The following PSG3 variants were observed in gnomAD, a reference collection of about 807,000 sequenced individuals.
The protein encoded by PSG3 is pregnancy specific beta-1-glycoprotein 3.
Under a neutral mutation model 47.5 loss-of-function variants are expected in PSG3, and 61 were observed. The ratio of observed to expected loss-of-function variants is 1.28; its 90% CI spans 1.05 to 1.59. The LOEUF (loss-of-function observed/expected upper bound fraction) is 1.59. Ranked by LOEUF, PSG3 falls within the 40% of genes most tolerant of loss-of-function variation. The pLI is 0.00. For missense variants in PSG3, 756 were observed against 524.0 expected (o/e 1.44, Z -4.32); for synonymous variants, 263 against 198.4 (o/e 1.33, Z -2.74).
chr19:42,734,863 G>A (rs940605773), intron 2 of PSG3, among the ~76,000 whole-genome samples: 1 of 152,160 alleles, frequency 6.6e-6, no homozygotes, highest in African/African-American at 2.4e-5. Context: ...AGGAAAAATG[G>A]GGAGGACCCC....
At chr19:42,724,306 C>T (rs8110455) in intron 5 of PSG3, among the ~76,000 whole-genome samples, 1,668 of 152,280 alleles carry the variant, frequency 0.011, 32 homozygotes, top group African/African-American at 0.039. Context: ...TTTTCTATGT[C>T]ATTAGAACTT....
At chr19:42,739,998 G>A (rs1021053435) in intron 1 of PSG3, among the ~76,000 whole-genome samples, 1 of 151,396 alleles carries the variant, frequency 6.6e-6, no homozygotes, top group Non-Finnish European at 1.5e-5. Flanking sequence ...TGTCGCCCAG[G>A]CTGGCGTGCA....
chr19:42,729,094 T>C (rs1412471201), intron 5 of PSG3, 29 bp downstream of exon 5: 2 of 1,613,878 alleles, frequency 1.2e-6, no homozygotes, highest in African/African-American at 1.3e-5. Flanking sequence ...CCTAAAACTC[T>C]ATTGCCAAGC....
At chr19:42,727,415 A>G (rs950232693) in intron 5 of PSG3, among the ~76,000 whole-genome samples, 3 of 152,216 alleles carry the variant, frequency 2.0e-5, no homozygotes, top group African/African-American at 4.8e-5. Flanking sequence ...AACAACAGCA[A>G]ACATCCAAAA....
intron 2 of PSG3, among the ~76,000 whole-genome samples, chr19:42,737,981 T>C (rs907776633): frequency 4.0e-4 from 61 of 152,384 alleles, no homozygotes; most frequent in African/African-American, 1.2e-3. Context: ...AGCACCTTTA[T>C]GTCAGATGCC....
Position 42,729,365 on chromosome 19 carries a change from A to C in PSG3, c.1001T>G (p.Leu334Arg). 6.2e-7 allele frequency: 1 copy of C among 1,613,142 alleles called. No individual in the cohort carries two copies. Residue 334 changes from leucine (L) to arginine (R), a missense_variant, in exon 5 of 7, where the codon CTC (leucine) becomes CGC (arginine). Coordinates refer to ENST00000327495, the MANE Select transcript of PSG3 (RefSeq NM_021016.4). ...GGTGAATGAAGGGTAAATTCTGGGGAGGTCTGGACCATCTGGAGCAAAGAG... is the reference window on the plus strand; with the variant it reads ...GGTGAATGAAGGGTAAATTCTGGGGCGGTCTGGACCATCTGGAGCAAAGAG... ...VTLNVLYGPD[L>R]PRIYPSFTYY...
chr19:42,725,597 A>G (rs1015493258), intron 5 of PSG3, among the ~76,000 whole-genome samples: 25 of 152,248 alleles, frequency 1.6e-4, no homozygotes, highest in African/African-American at 4.8e-4. Context: ...ATGGTGGGTC[A>G]TGTTTTAATC....
chr19:42,731,071 A>T (rs1368856315), intron 3 of PSG3, among the ~76,000 whole-genome samples: 1 of 152,312 alleles, frequency 6.6e-6, no homozygotes, highest in East Asian at 1.9e-4. Flanking sequence ...CAGAGTGAAT[A>T]TGAGAAGAGA....
Position 42,739,078 on chromosome 19 carries a change from T to A in PSG3, c.76A>T (p.Asn26Tyr). ...GCAGTGGTAGGCAAGTTCCAGAAGT[T>A]TAAAAGTAATGCTAGGAGGTGGAGA... ...KGLLLTALLLNFWNLPTTAQV... is the reference protein window; with the variant it reads ...KGLLLTALLLYFWNLPTTAQV... The change falls in exon 2 of 7, where the codon AAC becomes TAC. Residue 26 changes from asparagine to tyrosine, a missense_variant. Transcript: ENST00000327495. 1 of 1,603,214 alleles carries A rather than the reference T, an allele frequency of 6.2e-7. No individual in the cohort carries two copies. The highest frequency in any genetic ancestry group is 8.5e-7 in the Non-Finnish European group (1 of 1,171,440).
chr19:42,734,332 C>T (rs538162721), intron 2 of PSG3: 1 of 152,122 alleles, frequency 6.6e-6, no homozygotes, highest in Non-Finnish European at 1.5e-5. Context: ...AATTTAAAAT[C>T]CACAATGCGC....
intron 5 of PSG3, among the ~76,000 whole-genome samples, chr19:42,728,654 C>A (rs113635785): frequency 0.05 from 7,584 of 152,296 alleles, 221 homozygotes; most frequent in Middle Eastern, 0.12. Flanking sequence ...GAGCAGGAAG[C>A]AGAGTCTGAG....
chr19:42,722,046 C>T lies in PSG3; in HGVS notation c.*85G>A, dbSNP rs760586698. 1 of 415,778 alleles carries T rather than the reference C, an allele frequency of 2.4e-6. No homozygotes were observed. The highest frequency in any genetic ancestry group is 3.1e-4 in the Middle Eastern group (1 of 3,216). The allele number at this position is 415,778 out of a possible 1,614,324, so 25.8% of individuals were successfully genotyped here. A position where few individuals can be genotyped will look rare whatever the true frequency, so the allele number is the denominator to read the frequency against. ...TCCTTGAACAAAAAGCAATTTTGGACTGTAGCTGATGGTAAATACTTTGAG... is the reference window on the plus strand; with the variant it reads ...TCCTTGAACAAAAAGCAATTTTGGATTGTAGCTGATGGTAAATACTTTGAG... On this transcript the variant is annotated 3_prime_UTR_variant, in exon 7 of 7. Transcript: ENST00000327495.
At chr19:42,735,601 T>A (rs545870935) in intron 2 of PSG3, among the ~76,000 whole-genome samples, 1 of 152,280 alleles carries the variant, frequency 6.6e-6, no homozygotes, top group African/African-American at 2.4e-5. Flanking sequence ...CTCCTGACCT[T>A]GTGCCTGCCT....
chr19:42,736,945 A>T (rs1969574545), intron 2 of PSG3, among the ~76,000 whole-genome samples: 2 of 152,142 alleles, frequency 1.3e-5, no homozygotes, highest in Admixed American at 6.5e-5. Context: ...AGTTAGAGGG[A>T]GTGTCTGGGG....
In PSG3 at chr19:42,729,808, G is replaced by A. The variant is rs372669757; in HGVS notation, c.958C>T (p.Arg320Cys). ...ACATTCAGGGTGACTGGGTAACTGC[G>A]GATGCCACCATATCGGTCCTGTATT... ...CEIQDRYGGI[R>C]SYPVTLNVLY... The change falls in exon 4 of 7, where the codon CGC becomes TGC. Residue 320 changes from arginine to cysteine, a missense_variant. Physicochemically the swap from Arg to Cys is radical, Grantham distance 180 (BLOSUM62 -3). Transcript: ENST00000327495. The A allele has an allele frequency of 6.2e-5, 100 of 1,613,720 alleles. No individual in the cohort carries two copies. The highest frequency in any genetic ancestry group is 4.7e-4 in the African/African-American group (35 of 75,034).
intron 3 of PSG3, among the ~76,000 whole-genome samples, chr19:42,730,995 C>T (rs1192110862): frequency 1.3e-5 from 2 of 152,188 alleles, no homozygotes; most frequent in African/African-American, 4.8e-5. Flanking sequence ...TATTTTCTTT[C>T]ATTGGACATT....
intron 1 of PSG3, 68 bp from the exon 2 acceptor site, chr19:42,739,157 G>C (rs1329818779): frequency 1.3e-6 from 2 of 1,520,008 alleles, no homozygotes; most frequent in African/African-American, 1.4e-5. Flanking sequence ...TGTGGCCCTG[G>C]GTCCTGAGAA....
chr19:42,737,235 G>A (rs566402442), intron 2 of PSG3, among the ~76,000 whole-genome samples: 1 of 152,278 alleles, frequency 6.6e-6, no homozygotes, highest in Admixed American at 6.5e-5. Context: ...GATGAAACGT[G>A]GGTGTCAGCC....
At chr19:42,740,275 A>G (rs1163184863) in intron 1 of PSG3, 46 bp downstream of exon 1, 1 of 1,612,646 alleles carries the variant, frequency 6.2e-7, no homozygotes. Context: ...CCATCCAGTC[A>G]CTCTGCTTCC....
Sources: gnomAD v4.1 joint callset for allele counts (sites outside exome capture counted in the v4.1 genomes callset) on GRCh38, gnomAD v4.1.1 for gene constraint, MANE v1.5 for transcripts, NCBI Gene and HGNC (gene_info 2026-07-23, HGNC 2026-07-21) for gene names.